UBXN7: variants seen among roughly 807,000 people sequenced by gnomAD.
The protein encoded by UBXN7 is UBX domain-containing protein 7.
In UBXN7, 9 loss-of-function variants were observed where a neutral mutation model predicts 58.0. The ratio of observed to expected loss-of-function variants is 0.16; its 90% CI spans 0.09 to 0.27. UBXN7 has a LOEUF of 0.27. Among genes scored for constraint, UBXN7 ranks in the 10% least tolerant of loss-of-function variants. UBXN7 has a pLI of 1.00. For synonymous variants in UBXN7, 208 were observed against 205.0 expected (o/e 1.01, Z -0.12); for missense variants, 328 against 599.6 (o/e 0.55, Z 4.73).
rs116076881 is a variant in UBXN7 at position 196,365,569 on chromosome 3, T to C, written c.834+2459A>G. Among the ~76,000 whole-genome samples the C allele has an allele frequency of 6.7e-3, 1,018 of 152,134 alleles. 8 individuals carry two copies. Among genetic ancestry groups the C allele is most frequent in the African/African-American group, 0.023 (952 of 41,494 alleles). On this transcript the variant is annotated intron_variant, in intron 8 of 10. Transcript: ENST00000296328. ...AGGCACATGCCACACCCCAGCTGGT[T>C]CCGTAAGATCAATAAAACTACTAAG...
intron 3 of UBXN7, 159 bp from the exon 4 acceptor site, chr3:196,393,778 T>G: frequency 3.5e-6 from 2 of 575,012 alleles, no homozygotes; most frequent in Non-Finnish European, 5.8e-6. Context: ...TCTGTCTCGT[T>G]CCAATTTTAG....
intron 10 of UBXN7, among the ~76,000 whole-genome samples, chr3:196,360,417 C>CA: frequency 6.6e-6 from 1 of 152,304 alleles, no homozygotes; most frequent in South Asian, 2.1e-4. Context: ...AGCCAATGCT[C>CA]ATTTAACATT....
chr3:196,401,481 G>A lies in UBXN7; in HGVS notation c.289+1471C>T, dbSNP rs187572970. On this transcript the variant is annotated intron_variant, in intron 3 of 10. Transcript: ENST00000296328. ...GTATATTTCCTCCTCTTAGTTTACCGATGAAGGCTATGTATGTATTATCCT... is the reference window on the plus strand; with the variant it reads ...GTATATTTCCTCCTCTTAGTTTACCAATGAAGGCTATGTATGTATTATCCT... Among the ~76,000 whole-genome samples the A allele has an allele frequency of 2.5e-3, 373 of 150,352 alleles. 2 individuals are homozygous for A. The highest frequency in any genetic ancestry group is 7.4e-3 in the African/African-American group (304 of 41,014).
chr3:196,360,913 G>A (rs969051089), intron 10 of UBXN7, among the ~76,000 whole-genome samples: 1 of 152,148 alleles, frequency 6.6e-6, no homozygotes, highest in Non-Finnish European at 1.5e-5. Context: ...TGAGGCAGGA[G>A]GATCACTTGA....
chr3:196,366,460 GT>G (rs879756127), intron 8 of UBXN7, among the ~76,000 whole-genome samples: 44 of 145,966 alleles, frequency 3.0e-4, no homozygotes, highest in Middle Eastern at 3.6e-3. Flanking sequence ...AGGCTAGCAA[GT>G]TTTTTTTTTT....
intron 3 of UBXN7, among the ~76,000 whole-genome samples, chr3:196,394,657 A>G (rs1560232502): frequency 6.6e-6 from 1 of 152,178 alleles, no homozygotes. Context: ...ATCAGGAAGA[A>G]AGAAGATTTT....
At chr3:196,417,724 TAAAAAAAAAAAAAAAAA>T (rs749981900) in intron 1 of UBXN7, among the ~76,000 whole-genome samples, 29 of 31,654 alleles carry the variant, frequency 9.2e-4, no homozygotes, top group Admixed American at 3.5e-3. Flanking sequence ...GCAAAATGGT[TAAAAAAAAAAAAAAAAA>T]AAAAAAAAAA....
chr3:196,359,848 G>A (rs942197267), intron 10 of UBXN7, among the ~76,000 whole-genome samples: 1 of 151,922 alleles, frequency 6.6e-6, no homozygotes, highest in African/African-American at 2.4e-5. Flanking sequence ...GGAGGTTGCA[G>A]TGAGCTGAGA....
intron 3 of UBXN7, among the ~76,000 whole-genome samples, chr3:196,397,028 T>C (rs1729797821): frequency 6.6e-6 from 1 of 152,144 alleles, no homozygotes; most frequent in South Asian, 2.1e-4. Context: ...CTCTTCCCAT[T>C]TGTCTTCCCT....
At chr3:196,380,925 G>C (rs1246016628) in intron 5 of UBXN7, among the ~76,000 whole-genome samples, 1 of 152,270 alleles carries the variant, frequency 6.6e-6, no homozygotes, top group African/African-American at 2.4e-5. Flanking sequence ...GCCTGGCTGA[G>C]GGAGGGGCGT....
chr3:196,413,155 T>C (rs1301293426), intron 1 of UBXN7, among the ~76,000 whole-genome samples: 2 of 152,138 alleles, frequency 1.3e-5, no homozygotes, highest in East Asian at 3.9e-4. Context: ...CTGGCCAACA[T>C]GGTGAAACCC....
In UBXN7 at chr3:196,372,780, T is replaced by C. The variant is rs1728880799; in HGVS notation, c.469-738A>G. 2.6e-5 allele frequency among the ~76,000 whole-genome samples: 4 copies of C among 151,934 alleles called. 1 individual carries two copies. The highest frequency in any genetic ancestry group is 2.6e-4 in the Admixed American group (4 of 15,246). The stretch of plus-strand genomic sequence containing the variant: ...TTTTTTTTTGAGACGAGCTTTGCTC[T>C]TGTTGCCTAAGTCGGAGAACAATGG... On this transcript the variant is annotated intron_variant, in intron 5 of 10. Coordinates refer to ENST00000296328, the MANE Select transcript of UBXN7 (RefSeq NM_015562.2).
chr3:196,368,517 T>C (rs1470691175), intron 7 of UBXN7, among the ~76,000 whole-genome samples: 1 of 152,226 alleles, frequency 6.6e-6, no homozygotes, highest in African/African-American at 2.4e-5. Flanking sequence ...TAAGTATCTC[T>C]TTCAGCACAT....
chr3:196,400,199 C>A (rs1729914939), intron 3 of UBXN7: 1 of 150,898 alleles, frequency 6.6e-6, no homozygotes, highest in Non-Finnish European at 1.5e-5. Context: ...CACAGCAAGA[C>A]CCCATCTTGG....
intron 1 of UBXN7, among the ~76,000 whole-genome samples, chr3:196,417,052 G>A (rs1220542085): frequency 6.6e-5 from 10 of 152,200 alleles, no homozygotes; most frequent in Non-Finnish European, 1.3e-4. Context: ...GGCGGCTCAC[G>A]CCTGTAATCC....
intron 1 of UBXN7, chr3:196,431,264 C>T (rs1731037931): frequency 6.6e-6 from 1 of 152,216 alleles, no homozygotes; most frequent in South Asian, 2.1e-4. Context: ...AAACGACAAA[C>T]TAGAACGGCA....
chr3:196,431,907 G>GA, intron 1 of UBXN7: 1 of 357,764 alleles, frequency 2.8e-6, no homozygotes, highest in Non-Finnish European at 5.5e-6. Context: ...GGGAAGAAAG[G>GA]AAAAAAGGAG....
At chr3:196,384,781 G>C (rs1272468042) in intron 5 of UBXN7, among the ~76,000 whole-genome samples, 1 of 152,070 alleles carries the variant, frequency 6.6e-6, no homozygotes, top group Non-Finnish European at 1.5e-5. Context: ...CAATAAACTA[G>C]GTATTGATGG....
intron 1 of UBXN7, among the ~76,000 whole-genome samples, chr3:196,428,861 T>C (rs1730929900): frequency 6.6e-6 from 1 of 151,794 alleles, no homozygotes; most frequent in African/African-American, 2.4e-5. Flanking sequence ...ATTGTCTTTT[T>C]AATAATCTTT....
Sources: allele counts gnomAD v4.1 joint callset (sites outside exome capture counted in the v4.1 genomes callset), GRCh38; gene constraint gnomAD v4.1.1; transcripts MANE v1.5; gene names NCBI Gene and HGNC (gene_info 2026-07-23, HGNC 2026-07-21).